Variants in CCSER2 observed in about 807,000 individuals in gnomAD.
CCSER2 encodes the protein serine-rich coiled-coil domain-containing protein 2.
A neutral mutation model predicts 92.3 loss-of-function variants in CCSER2; 46 were observed. The ratio of observed to expected loss-of-function variants is 0.50; its 90% CI spans 0.39 to 0.64. The LOEUF (loss-of-function observed/expected upper bound fraction) is 0.64. CCSER2 is among the 30% of genes least tolerant of loss of function. The pLI is 0.00. For synonymous variants in CCSER2, 433 were observed against 431.4 expected, an observed-to-expected ratio of 1.00 and a Z score of -0.04; for missense variants, 1,244 against 1,238.9, an observed-to-expected ratio of 1.00 and a Z score of -0.06.
chr10:84,461,777 T>G (rs1846118420), intron 6 of CCSER2, among the ~76,000 whole-genome samples: 1 of 152,090 alleles, frequency 6.6e-6, no homozygotes, highest in Non-Finnish European at 1.5e-5. Flanking sequence ...TTCTGTGTCA[T>G]TTTGGTGTTG....
At chr10:84,365,229 G>A (rs1845718960) in intron 1 of CCSER2, among the ~76,000 whole-genome samples, 1 of 152,156 alleles carries the variant, frequency 6.6e-6, no homozygotes, top group African/African-American at 2.4e-5. Context: ...ATTAGATGAT[G>A]TAGGCAACAT....
chr10:84,402,645 CT>C (rs975064553), intron 3 of CCSER2, among the ~76,000 whole-genome samples: 1 of 152,132 alleles, frequency 6.6e-6, no homozygotes, highest in Non-Finnish European at 1.5e-5. Flanking sequence ...TAGAAAATAA[CT>C]TGACATCTTC....
At chr10:84,478,727 A>G (rs1437368771) in intron 9 of CCSER2, among the ~76,000 whole-genome samples, 1 of 152,194 alleles carries the variant, frequency 6.6e-6, no homozygotes, top group Non-Finnish European at 1.5e-5. Context: ...TTCTTAAGAA[A>G]TTGGGAATGC....
chr10:84,425,851 A>G lies in CCSER2; in HGVS notation c.1826A>G (p.His609Arg). The G allele has an allele frequency of 6.2e-7, 1 of 1,611,882 alleles. No homozygotes were observed. Among genetic ancestry groups the G allele is most frequent in the Non-Finnish European group, 8.5e-7 (1 of 1,178,748 alleles). ...WSGQEHYHLSHPDHYHHHGKS... is the reference protein window; with the variant it reads ...WSGQEHYHLSRPDHYHHHGKS... ...GGACAGGAGCATTACCACCTCAGCCACCCTGACCACTATCATCACCATGGA... is the reference window on the plus strand; with the variant it reads ...GGACAGGAGCATTACCACCTCAGCCGCCCTGACCACTATCATCACCATGGA... The change falls in exon 5 of 10, where the codon CAC (histidine) becomes CGC (arginine). Residue 609 changes from histidine to arginine, a missense_variant. Coordinates refer to ENST00000372088, the MANE Select transcript of CCSER2 (RefSeq NM_001284240.2).
chr10:84,465,069 C>G (rs1448634824), intron 7 of CCSER2, among the ~76,000 whole-genome samples: 4 of 151,906 alleles, frequency 2.6e-5, no homozygotes, highest in African/African-American at 7.3e-5. Context: ...AGCTTTCATC[C>G]TACTCTCAGT....
chr10:84,441,272 A>C (rs1235613283), intron 6 of CCSER2, among the ~76,000 whole-genome samples: 3 of 151,872 alleles, frequency 2.0e-5, no homozygotes. Flanking sequence ...TCTCGACTTG[A>C]TATTCCAGCT....
At chr10:84,436,493 G>A (rs1271317979) in intron 5 of CCSER2, among the ~76,000 whole-genome samples, 1 of 151,464 alleles carries the variant, frequency 6.6e-6, no homozygotes, top group Non-Finnish European at 1.5e-5. Context: ...AAATTAGCCC[G>A]GCGTGCTGGC....
intron 3 of CCSER2, among the ~76,000 whole-genome samples, chr10:84,388,212 T>C (rs1841332358): frequency 6.6e-6 from 1 of 152,234 alleles, no homozygotes; most frequent in Non-Finnish European, 1.5e-5. Flanking sequence ...ACTCAGGTTT[T>C]ATCGTACATC....
At chr10:84,362,552 G>T (rs951762854) in intron 1 of CCSER2, among the ~76,000 whole-genome samples, 6 of 152,074 alleles carry the variant, frequency 3.9e-5, no homozygotes, top group Non-Finnish European at 8.8e-5. Context: ...AATATACATT[G>T]GATCTGCATA....
At chr10:84,504,409 T>C (rs939294127) in intron 9 of CCSER2, among the ~76,000 whole-genome samples, 6 of 152,160 alleles carry the variant, frequency 3.9e-5, no homozygotes, top group Non-Finnish European at 7.4e-5. Flanking sequence ...AAATGGCTGA[T>C]GAGCCCTTTG....
intron 1 of CCSER2, among the ~76,000 whole-genome samples, chr10:84,367,681 G>A (rs1589456884): frequency 6.9e-6 from 1 of 144,948 alleles, no homozygotes; most frequent in Non-Finnish European, 1.5e-5. Flanking sequence ...CTTGCCATTT[G>A]TTTAAGTCTT....
At chr10:84,348,323 G>A (rs947971245) in intron 1 of CCSER2, among the ~76,000 whole-genome samples, 3 of 152,236 alleles carry the variant, frequency 2.0e-5, no homozygotes, top group Non-Finnish European at 2.9e-5. Flanking sequence ...GTGGCGGCAC[G>A]CGCCTGCAAT....
chr10:84,487,413 A>G lies in CCSER2; in HGVS notation c.2325+9749A>G, dbSNP rs181358418. ...CTTCCATTTGTTAGTGTCCTCTTTT[A>G]TTTCGTTGGGCAGTGGTTTGTAGTT... On this transcript the variant is annotated intron_variant, in intron 9 of 9. Transcript: ENST00000372088. 5.2e-3 allele frequency among the ~76,000 whole-genome samples: 797 copies of G among 152,092 alleles called. 2 individuals carry two copies. Among genetic ancestry groups the G allele is most frequent in the African/African-American group, 0.018 (756 of 41,468 alleles).
intron 5 of CCSER2, among the ~76,000 whole-genome samples, chr10:84,434,912 T>C (rs1844013296): frequency 6.6e-6 from 1 of 152,278 alleles, no homozygotes; most frequent in South Asian, 2.1e-4. Context: ...TTAAAATTAA[T>C]AAGATATGGC....
rs1589705549 is a variant in CCSER2 at position 84,453,300 on chromosome 10, G to T, written c.2065-10633G>T. ...GAAGGTGTTAATGTTTTCTTTGTGG[G>T]CTAGAACAGAGTTTGGAAAACTTTT... On this transcript the variant is annotated intron_variant, in intron 6 of 9. Transcript: ENST00000372088. Among the ~76,000 whole-genome samples, 3 of 152,072 alleles carry T rather than the reference G, an allele frequency of 2.0e-5. No homozygotes were observed. The South Asian group carries it at 6.2e-4, about 31-fold the overall frequency.
At chr10:84,348,520 G>A (rs1380847321) in intron 1 of CCSER2, among the ~76,000 whole-genome samples, 1 of 151,920 alleles carries the variant, frequency 6.6e-6, no homozygotes, top group Non-Finnish European at 1.5e-5. Flanking sequence ...GGGCAAGGGC[G>A]AGGGCGAGGG....
chr10:84,358,741 A>G (rs1845338478), intron 1 of CCSER2, among the ~76,000 whole-genome samples: 1 of 151,242 alleles, frequency 6.6e-6, no homozygotes, highest in African/African-American at 2.4e-5. Context: ...ACGTAATGTG[A>G]TTGCCTCAAC....
At chr10:84,496,411 A>G (rs926331873) in intron 9 of CCSER2, among the ~76,000 whole-genome samples, 1 of 151,934 alleles carries the variant, frequency 6.6e-6, no homozygotes, top group Admixed American at 6.6e-5. Flanking sequence ...TCAGCCTCCC[A>G]AGTAGCTGGG....
chr10:84,416,417 T>C (rs1842888844), intron 3 of CCSER2, among the ~76,000 whole-genome samples: 1 of 152,186 alleles, frequency 6.6e-6, no homozygotes, highest in African/African-American at 2.4e-5. Context: ...GCTTTAAATG[T>C]GTACAGTTTA....
Sources: allele counts gnomAD v4.1 joint callset (sites outside exome capture counted in the v4.1 genomes callset), GRCh38; gene constraint gnomAD v4.1.1; transcripts MANE v1.5; gene names NCBI Gene and HGNC (gene_info 2026-07-23, HGNC 2026-07-21).